RCAN2: variants seen among roughly 807,000 people sequenced by gnomAD.
RCAN2 encodes calcipressin-2.
RCAN2 carries 9 observed loss-of-function variants against 23.6 expected under a neutral mutation model. The ratio of observed to expected loss-of-function variants is 0.38; its 90% CI spans 0.23 to 0.67. The LOEUF is 0.67. Among genes scored for constraint, RCAN2 ranks in the 30% least tolerant of loss-of-function variants. The pLI, the probability that RCAN2 is intolerant of heterozygous loss-of-function variation, is 0.51. For missense variants in RCAN2, 273 were observed against 302.3 expected, an observed-to-expected ratio of 0.90 and a Z score of 0.72; for synonymous variants, 109 against 115.7, an observed-to-expected ratio of 0.94 and a Z score of 0.37.
chr6:46,411,695 A>G (rs545456404), intron 2 of RCAN2, among the ~76,000 whole-genome samples: 7 of 152,176 alleles, frequency 4.6e-5, no homozygotes, highest in South Asian at 2.1e-4. Flanking sequence ...AGTAAGTCCA[A>G]TCTCTAAGGA....
chr6:46,361,399 A>G (rs1168798186), intron 2 of RCAN2, among the ~76,000 whole-genome samples: 2 of 152,180 alleles, frequency 1.3e-5, no homozygotes, highest in East Asian at 3.8e-4. Flanking sequence ...GGAAAGGTAA[A>G]ACATTCACCC....
At chr6:46,436,867 TGA>T (rs890845684) in intron 2 of RCAN2, among the ~76,000 whole-genome samples, 3 of 152,172 alleles carry the variant, frequency 2.0e-5, no homozygotes, top group African/African-American at 7.2e-5. Flanking sequence ...GGATGAGGCT[TGA>T]GTTCTTAGAT....
chr6:46,391,370 C>A (rs1174211325), intron 2 of RCAN2, among the ~76,000 whole-genome samples: 1 of 152,144 alleles, frequency 6.6e-6, no homozygotes, highest in Non-Finnish European at 1.5e-5. Context: ...TGCTTAACTG[C>A]AGCTGATAGG....
chr6:46,362,173 T>C (rs1169574626), intron 2 of RCAN2, among the ~76,000 whole-genome samples: 2 of 152,302 alleles, frequency 1.3e-5, no homozygotes, highest in South Asian at 2.1e-4. Flanking sequence ...ATACATGCTA[T>C]AGATGTGTCA....
At chr6:46,231,402 G>A (rs181228371) in intron 4 of RCAN2, among the ~76,000 whole-genome samples, 71 of 149,516 alleles carry the variant, frequency 4.7e-4, no homozygotes, top group Admixed American at 2.9e-3. Context: ...AATGCCACTC[G>A]GTTTGTGGCA....
chr6:46,444,677 T>C (rs1767648173), intron 2 of RCAN2, among the ~76,000 whole-genome samples: 1 of 152,118 alleles, frequency 6.6e-6, no homozygotes, highest in South Asian at 2.1e-4. Context: ...CAGCCTCACT[T>C]TCCATGCCAG....
At chr6:46,421,985 C>T (rs1245161151) in intron 2 of RCAN2, among the ~76,000 whole-genome samples, 1 of 152,080 alleles carries the variant, frequency 6.6e-6, no homozygotes, top group Non-Finnish European at 1.5e-5. Flanking sequence ...AAGAAGTGAG[C>T]TACGTATAGG....
intron 2 of RCAN2, among the ~76,000 whole-genome samples, chr6:46,284,568 G>A (rs1762306257): frequency 6.6e-6 from 1 of 152,210 alleles, no homozygotes; most frequent in Admixed American, 6.5e-5. Context: ...TTTTGGTACT[G>A]CTGCAGCAAA....
At position 46,360,395 on chromosome 6, in the gene RCAN2, G is replaced by A. The variant is rs190012407; in HGVS notation, c.225+96357C>T. ...AAAATACAAAAAAAATTAGCGGGGCGTGGTGGTGGGCACCTGTAGTCCCAG... is the reference window on the plus strand; with the variant it reads ...AAAATACAAAAAAAATTAGCGGGGCATGGTGGTGGGCACCTGTAGTCCCAG... On this transcript the variant is annotated intron_variant, in intron 2 of 4. Transcript: ENST00000371374. Among the ~76,000 whole-genome samples the A allele has an allele frequency of 2.8e-4, 43 of 151,956 alleles. 1 individual carries two copies. Among genetic ancestry groups the A allele is most frequent in the Admixed American group, 2.0e-3 (31 of 15,262 alleles).
At chr6:46,292,391 T>A (rs939980589) in intron 2 of RCAN2, among the ~76,000 whole-genome samples, 1 of 151,816 alleles carries the variant, frequency 6.6e-6, no homozygotes, top group African/African-American at 2.4e-5. Flanking sequence ...CTTATTATGC[T>A]ATCCTTTTGC....
intron 2 of RCAN2, among the ~76,000 whole-genome samples, chr6:46,429,053 TATG>T (rs1257250858): frequency 1.3e-5 from 2 of 152,192 alleles, no homozygotes; most frequent in Admixed American, 6.5e-5. Context: ...AGCAAGAGCT[TATG>T]ATATTAATCA....
At chr6:46,454,291 G>A (rs1767961314) in intron 2 of RCAN2, among the ~76,000 whole-genome samples, 1 of 152,116 alleles carries the variant, frequency 6.6e-6, no homozygotes, top group South Asian at 2.1e-4. Context: ...TTAAAAAGGA[G>A]GTTAAATGAA....
chr6:46,271,742 C>G (rs901547160), intron 2 of RCAN2, among the ~76,000 whole-genome samples: 9 of 152,284 alleles, frequency 5.9e-5, no homozygotes, highest in Admixed American at 2.0e-4. Context: ...TTCCCTTACT[C>G]GTGGTAGTGG....
chr6:46,239,789 G>A (rs1252320235), intron 4 of RCAN2, among the ~76,000 whole-genome samples: 1 of 152,082 alleles, frequency 6.6e-6, no homozygotes, highest in African/African-American at 2.4e-5. Context: ...AAGAACATTT[G>A]CTTATCTTCT....
chr6:46,455,970 A>T (rs1368727213), intron 2 of RCAN2, among the ~76,000 whole-genome samples: 2 of 152,122 alleles, frequency 1.3e-5, no homozygotes, highest in East Asian at 3.8e-4. Flanking sequence ...TACAACTAAG[A>T]ATCTACATCT....
chr6:46,290,989 G>A (rs186293735), intron 2 of RCAN2, among the ~76,000 whole-genome samples: 3 of 152,274 alleles, frequency 2.0e-5, no homozygotes, highest in Admixed American at 1.3e-4. Flanking sequence ...GCCAGGACTG[G>A]CCCACAAAGT....
rs146965820 is a variant in RCAN2, at chr6:46,300,856, C to T, written c.226-51960G>A. On this transcript the variant is annotated intron_variant, in intron 2 of 4. Transcript: ENST00000371374. ...AAAATGAGGTCTTATTTTCAGATTT[C>T]GTCAGCAAAGACTAAGCCTTAATTA... Among the ~76,000 whole-genome samples the T allele has an allele frequency of 1.5e-3, 229 of 151,880 alleles. 2 individuals are homozygous for T. The highest frequency in any genetic ancestry group is 5.2e-3 in the African/African-American group (215 of 41,460).
At chr6:46,391,198 G>A (rs1226468801) in intron 2 of RCAN2, among the ~76,000 whole-genome samples, 2 of 152,186 alleles carry the variant, frequency 1.3e-5, no homozygotes, top group South Asian at 2.1e-4. Flanking sequence ...TCATGCAGCT[G>A]AGATCATGAA....
intron 4 of RCAN2, among the ~76,000 whole-genome samples, chr6:46,225,956 T>C (rs1228564988): frequency 2.6e-5 from 4 of 152,224 alleles, no homozygotes; most frequent in East Asian, 1.9e-4. Flanking sequence ...TTGAATTAAT[T>C]TGTGTATAAA....
Sources: gnomAD v4.1 joint callset for allele counts (sites outside exome capture counted in the v4.1 genomes callset) on GRCh38, gnomAD v4.1.1 for gene constraint, MANE v1.5 for transcripts, NCBI Gene and HGNC (gene_info 2026-07-23, HGNC 2026-07-21) for gene names.